Variants in METRNL observed in about 807,000 individuals in gnomAD.
METRNL encodes meteorin like, glial cell differentiation regulator.
METRNL carries 9 observed loss-of-function variants against 17.4 expected under a neutral mutation model. The observed-to-expected ratio is 0.52, with a 90% CI of 0.31 to 0.90. METRNL has a LOEUF of 0.90. Among genes scored for constraint, METRNL ranks in the 40% least tolerant of loss-of-function variants. The pLI is 0.05. For synonymous variants in METRNL, 215 were observed against 199.3 expected, an observed-to-expected ratio of 1.08 and a Z score of -0.66; for missense variants, 408 against 430.7, an observed-to-expected ratio of 0.95 and a Z score of 0.47.
Position 83,079,872 on chromosome 17 carries a change from C to T in METRNL, c.57C>T (p.Pro19=). The T allele has an allele frequency of 1.0e-6, 1 of 975,892 alleles. No homozygotes were observed. The highest frequency in any genetic ancestry group is 1.2e-6 in the Non-Finnish European group (1 of 823,322). 60.5% of individuals were successfully genotyped at this position (975,892 alleles called of 1,614,324 possible). A position where few individuals can be genotyped will look rare whatever the true frequency, so the allele number is the denominator to read the frequency against. ...WGRAGQPWPR[P]PAPGPPPPPL... ...GCGCGGGGCAGCCGTGGCCGCGACC[C>T]CCCGCCCCGGGCCCGCCCCCGCCGC... is the stretch of plus-strand genomic sequence containing the variant. The change falls in exon 1 of 4, where the codon CCC becomes CCT. Residue 19 remains proline (P), a synonymous_variant. Transcript: ENST00000320095.
intron 3 of METRNL, 112 bp from the exon 4 acceptor site, chr17:83,094,144 G>A: frequency 1.1e-6 from 1 of 882,700 alleles, no homozygotes. Context: ...GCAGAGTCGG[G>A]GGTCAGCTGC....
In METRNL at chr17:83,085,260, A is replaced by G. The variant is rs758613015; in HGVS notation, c.493A>G (p.Thr165Ala). 2 of 1,565,716 alleles carry G rather than the reference A, an allele frequency of 1.3e-6. No homozygotes were observed. The highest frequency in any genetic ancestry group is 2.4e-5 in the South Asian group (2 of 83,366). ...GCCGCAGCAGGATATCGGCCGGAGG[A>G]CCACAGGCTTCCAGTACGAGCTGGT... ...ATPQQDIGRR[T>A]TGFQYELVRR... The change falls in exon 2 of 4, where the codon ACC (threonine) becomes GCC (alanine). Residue 165 changes from threonine to alanine, a missense_variant. Thr to Ala is a moderately conservative substitution (Grantham distance 58, BLOSUM62 0). Coordinates refer to ENST00000320095, the MANE Select transcript of METRNL (RefSeq NM_001004431.3).
intron 2 of METRNL, among the ~76,000 whole-genome samples, chr17:83,090,621 C>T (rs79859911): frequency 0.075 from 11,173 of 149,520 alleles, 558 homozygotes; most frequent in South Asian, 0.15. Flanking sequence ...GCCATGGCTG[C>T]CCAGCCGGAG....
Position 83,085,115 on chromosome 17 carries a change from G to A in METRNL, c.348G>A (p.Gly116=). Residue 116 remains glycine (G), a synonymous_variant, in exon 2 of 4, where the codon GGG becomes GGA. Transcript: ENST00000320095. ...TCAGGTCCTTCACGGACTCCTCGGG[G>A]GCCAATATTTATTTGGAAAAAACTG... is the stretch of plus-strand genomic sequence containing the variant. The part of the protein sequence containing the change: ...VCIRSFTDSS[G]ANIYLEKTGE... The A allele has an allele frequency of 6.2e-7, 1 of 1,613,712 alleles. No individual in the cohort carries two copies. The highest frequency in any genetic ancestry group is 8.5e-7 in the Non-Finnish European group (1 of 1,180,004).
intron 1 of METRNL, among the ~76,000 whole-genome samples, chr17:83,083,539 TG>T (rs1350855053): frequency 6.6e-6 from 1 of 152,218 alleles, no homozygotes; most frequent in Non-Finnish European, 1.5e-5. Context: ...GATGAGCTTG[TG>T]TGAGCTTTAT....
At chr17:83,091,628 C>T (rs1433184261) in intron 2 of METRNL, among the ~76,000 whole-genome samples, 1 of 152,266 alleles carries the variant, frequency 6.6e-6, no homozygotes, top group South Asian at 2.1e-4. Flanking sequence ...GGCCTGTACT[C>T]ATCAGGCAGG....
intron 2 of METRNL, among the ~76,000 whole-genome samples, chr17:83,090,885 C>T (rs1568339206): frequency 6.6e-6 from 1 of 152,118 alleles, no homozygotes; most frequent in Non-Finnish European, 1.5e-5. Flanking sequence ...TGCTGCTGGC[C>T]TCTGTCCAGC....
chr17:83,092,690 G>T (rs1174123210), intron 2 of METRNL, among the ~76,000 whole-genome samples: 1 of 152,002 alleles, frequency 6.6e-6, no homozygotes, highest in African/African-American at 2.4e-5. Flanking sequence ...AGGTGGGTTG[G>T]GGGTGACTCT....
intron 1 of METRNL, among the ~76,000 whole-genome samples, chr17:83,081,469 G>GGAGGGCGC (rs1461235052): frequency 6.6e-6 from 1 of 152,182 alleles, no homozygotes; most frequent in Non-Finnish European, 1.5e-5. Context: ...GAGCCCGAAG[G>GGAGGGCGC]GAGGGCGCGG....
At chr17:83,084,706 T>C in intron 1 of METRNL, 2 of 567,292 alleles carry the variant, frequency 3.5e-6, no homozygotes, top group Non-Finnish European at 6.1e-6. Flanking sequence ...CCACCATGGC[T>C]CTTGGTGCAG....
intron 1 of METRNL, chr17:83,084,680 G>A: frequency 3.7e-6 from 2 of 543,600 alleles, no homozygotes. Flanking sequence ...TGCACTCCCG[G>A]GAGCTCGGCC....
intron 1 of METRNL, 115 bp from the exon 2 acceptor site, chr17:83,084,823 G>C: frequency 7.3e-7 from 1 of 1,369,916 alleles, no homozygotes; most frequent in Non-Finnish European, 9.8e-7. Flanking sequence ...GCAGCGGGTG[G>C]GTCCAGGAGC....
intron 2 of METRNL, among the ~76,000 whole-genome samples, chr17:83,092,811 G>A (rs895939140): frequency 6.6e-6 from 1 of 152,192 alleles, no homozygotes; most frequent in Non-Finnish European, 1.5e-5. Flanking sequence ...TGGGGAAAGA[G>A]CACAAAGACC....
At position 83,093,142 on chromosome 17, in the gene METRNL, T is replaced by G. The variant is rs371425110; in HGVS notation, c.557-25T>G. On this transcript the variant is annotated intron_variant, in intron 2 of 3. Transcript: ENST00000320095. ...CAGAGCCTGTCCCGTCCAGGCTGCT[T>G]CCTGACTCTGCCTTTCTTCTCCAGC... 1.4e-5 allele frequency: 23 copies of G among 1,603,792 alleles called. No homozygotes were observed. The African/African-American group carries it at 2.9e-4, about 20-fold the overall frequency.
chr17:83,086,852 G>C (rs982956907), intron 2 of METRNL, among the ~76,000 whole-genome samples: 6 of 152,136 alleles, frequency 3.9e-5, no homozygotes, highest in African/African-American at 7.2e-5. Context: ...TTGTCAGCTG[G>C]GGCGACCCTT....
chr17:83,088,236 G>A (rs1186423137), intron 2 of METRNL, among the ~76,000 whole-genome samples: 2 of 152,252 alleles, frequency 1.3e-5, no homozygotes, highest in Non-Finnish European at 2.9e-5. Flanking sequence ...CCGCAGGATG[G>A]GGGTGGCAGA....
intron 3 of METRNL, among the ~76,000 whole-genome samples, chr17:83,093,487 C>G (rs1040385560): frequency 6.6e-6 from 1 of 152,200 alleles, no homozygotes; most frequent in Non-Finnish European, 1.5e-5. Context: ...TAAATGAGAT[C>G]ACTGCTCTTC....
chr17:83,087,625 C>T (rs529486586), intron 2 of METRNL, among the ~76,000 whole-genome samples: 190 of 152,328 alleles, frequency 1.2e-3, no homozygotes, highest in African/African-American at 4.3e-3. Flanking sequence ...ATGTCGGTGC[C>T]GGCCGTCTGG....
intron 3 of METRNL, among the ~76,000 whole-genome samples, chr17:83,094,043 G>A (rs531479084): frequency 1.3e-5 from 2 of 152,342 alleles, no homozygotes; most frequent in Non-Finnish European, 1.5e-5. Flanking sequence ...AAGGGCACCT[G>A]TTCTCTGACG....
Sources: allele counts gnomAD v4.1 joint callset (sites outside exome capture counted in the v4.1 genomes callset), GRCh38; gene constraint gnomAD v4.1.1; transcripts MANE v1.5; gene names NCBI Gene and HGNC (gene_info 2026-07-23, HGNC 2026-07-21).